Variants in CSNK1G1 observed in about 807,000 individuals in gnomAD.
CSNK1G1 encodes casein kinase 1 gamma 1.
A neutral mutation model predicts 59.6 loss-of-function variants in CSNK1G1; 22 were observed. The observed-to-expected ratio is 0.37, with a 90% CI of 0.26 to 0.53. CSNK1G1 has a LOEUF of 0.53. Ranked by LOEUF, CSNK1G1 falls within the 20% of genes least tolerant of loss-of-function variation. The probability of loss-of-function intolerance (pLI) is 0.89; values close to 1 mark genes in which losing one functional copy is unlikely to be tolerated. For missense variants in CSNK1G1, 384 were observed against 519.5 expected, an observed-to-expected ratio of 0.74 and a Z score of 2.54; for synonymous variants, 179 against 177.1, an observed-to-expected ratio of 1.01 and a Z score of -0.08.
intron 10 of CSNK1G1, among the ~76,000 whole-genome samples, chr15:64,195,331 T>C (rs1013875134): frequency 6.6e-6 from 1 of 152,204 alleles, no homozygotes; most frequent in African/African-American, 2.4e-5. Flanking sequence ...TAAGTAGCCC[T>C]TCTTTTTCAC....
At chr15:64,189,577 G>T in intron 10 of CSNK1G1, 2 of 653,652 alleles carry the variant, frequency 3.1e-6, no homozygotes, top group Non-Finnish European at 4.1e-6. Flanking sequence ...CAGGGGTTAG[G>T]ATGTGATATT....
intron 2 of CSNK1G1, among the ~76,000 whole-genome samples, chr15:64,277,532 T>C (rs1441208003): frequency 1.4e-5 from 2 of 146,830 alleles, no homozygotes; most frequent in South Asian, 2.1e-4. Flanking sequence ...CTACAAGTTT[T>C]CATATTGTTA....
chr15:64,221,357 T>C (rs867015366), intron 4 of CSNK1G1, among the ~76,000 whole-genome samples: 1 of 152,202 alleles, frequency 6.6e-6, no homozygotes. Context: ...GAAGTTTCCA[T>C]GTTTACAATG....
intron 2 of CSNK1G1, among the ~76,000 whole-genome samples, chr15:64,293,145 T>A (rs1292762320): frequency 1.3e-5 from 2 of 151,056 alleles, no homozygotes; most frequent in Non-Finnish European, 2.9e-5. Context: ...GATTTTCAGT[T>A]AGTATCAATC....
chr15:64,252,239 A>G (rs1358427109), intron 3 of CSNK1G1, among the ~76,000 whole-genome samples: 1 of 151,916 alleles, frequency 6.6e-6, no homozygotes, highest in East Asian at 1.9e-4. Flanking sequence ...ATGGCGGTAA[A>G]TAAACGTGTA....
chr15:64,315,369 T>C (rs1896214931), intron 1 of CSNK1G1, among the ~76,000 whole-genome samples: 1 of 152,188 alleles, frequency 6.6e-6, no homozygotes, highest in African/African-American at 2.4e-5. Flanking sequence ...AGGAGTCCAT[T>C]GTTCAGGATT....
Position 64,214,951 on chromosome 15 carries a change from C to T in CSNK1G1, c.445-827G>A, listed in dbSNP as rs762751684. Among the ~76,000 whole-genome samples the T allele has an allele frequency of 2.7e-5, 4 of 150,746 alleles. No individual in the cohort carries two copies. The highest frequency in any genetic ancestry group is 4.4e-5 in the Non-Finnish European group (3 of 67,702). On this transcript the variant is annotated intron_variant, in intron 5 of 11. Coordinates refer to ENST00000303052, the MANE Select transcript of CSNK1G1 (RefSeq NM_022048.5). This position sits in a 1 kb window ranked among gnomAD's most constrained non-coding sequence, Gnocchi z 4.3. Reference sequence around the variant, plus strand: ...ACCATGCCTGGCCGAAACAGTTCATCGTTGTTGTTTTAAATTTATTTTCAG... The same window carrying T: ...ACCATGCCTGGCCGAAACAGTTCATTGTTGTTGTTTTAAATTTATTTTCAG...
chr15:64,286,731 C>T (rs1320370809), intron 2 of CSNK1G1, among the ~76,000 whole-genome samples: 2 of 152,230 alleles, frequency 1.3e-5, no homozygotes, highest in Admixed American at 6.5e-5. Context: ...AAATCTACCC[C>T]TAGCCTTTTA....
At chr15:64,244,868 G>C (rs1339417260) in intron 4 of CSNK1G1, among the ~76,000 whole-genome samples, 1 of 152,006 alleles carries the variant, frequency 6.6e-6, no homozygotes, top group African/African-American at 2.4e-5. Flanking sequence ...CACTAATCAC[G>C]CACTACCTGA....
At chr15:64,238,518 A>AAATATATATATAT (rs1555396879) in intron 4 of CSNK1G1, among the ~76,000 whole-genome samples, 1 of 49,248 alleles carries the variant, frequency 2.0e-5, no homozygotes, top group African/African-American at 1.2e-4. Flanking sequence ...AAAAAAAAAA[A>AAATATATATATAT]ATATATATAT....
rs930672979 is a variant in CSNK1G1 at position 64,170,881 on chromosome 15, G to A, written c.*1050C>T. On this transcript the variant is annotated 3_prime_UTR_variant, in exon 12 of 12. Transcript: ENST00000303052. ...GAGCTAGGTTTTCAAACTGTAAGCTGATTAGGTCAAGATGCTCTGGTAGGG... is the reference window on the plus strand; with the variant it reads ...GAGCTAGGTTTTCAAACTGTAAGCTAATTAGGTCAAGATGCTCTGGTAGGG... 1.3e-5 allele frequency: 2 copies of A among 152,570 alleles called. No individual in the cohort carries two copies. Among genetic ancestry groups the A allele is most frequent in the Non-Finnish European group, 2.9e-5 (2 of 68,028 alleles). 9.5% of individuals were successfully genotyped at this position (152,570 alleles called of 1,614,324 possible).
rs1489659063 is a variant in CSNK1G1, at chr15:64,216,742, C to T, written c.293-29G>A. ...AAAGCAGAGGGGAAATGGGGGTATA[C>T]AGTGGGAGACACAAAAGCCAAAATA... On this transcript the variant is annotated intron_variant, in intron 4 of 11. Transcript: ENST00000303052. This position sits in a 1 kb window ranked among gnomAD's most constrained non-coding sequence, Gnocchi z 4.6. The T allele has an allele frequency of 1.3e-5, 20 of 1,599,890 alleles. No individual in the cohort carries two copies. The highest frequency in any genetic ancestry group is 1.6e-5 in the Non-Finnish European group (19 of 1,170,864).
intron 2 of CSNK1G1, among the ~76,000 whole-genome samples, chr15:64,281,428 A>G (rs574342931): frequency 6.6e-6 from 1 of 152,302 alleles, no homozygotes; most frequent in South Asian, 2.1e-4. Context: ...CAACATAGTG[A>G]GACTCCATCT....
intron 1 of CSNK1G1, among the ~76,000 whole-genome samples, chr15:64,349,472 T>C (rs1282398156): frequency 6.6e-6 from 1 of 152,110 alleles, no homozygotes; most frequent in Non-Finnish European, 1.5e-5. Flanking sequence ...ATAATTCCCA[T>C]CCCTAGCACC....
chr15:64,258,289 G>A (rs1299322729), intron 3 of CSNK1G1, among the ~76,000 whole-genome samples: 1 of 151,846 alleles, frequency 6.6e-6, no homozygotes, highest in Admixed American at 6.6e-5. Context: ...AGACTGAAGT[G>A]GGAAGATTGC....
At chr15:64,245,750 G>GA (rs997401892) in intron 4 of CSNK1G1, among the ~76,000 whole-genome samples, 66 of 138,368 alleles carry the variant, frequency 4.8e-4, no homozygotes, top group East Asian at 1.7e-3. Context: ...CCACAAAAAG[G>GA]AAAAAAAAAA....
chr15:64,290,332 C>G (rs987751778), intron 2 of CSNK1G1, among the ~76,000 whole-genome samples: 2 of 150,402 alleles, frequency 1.3e-5, no homozygotes, highest in Non-Finnish European at 2.9e-5. Context: ...CATACACATA[C>G]ACACACACAT....
intron 1 of CSNK1G1, among the ~76,000 whole-genome samples, chr15:64,321,721 TA>T (rs1896576056): frequency 6.6e-6 from 1 of 152,244 alleles, no homozygotes; most frequent in African/African-American, 2.4e-5. Context: ...ACGGTAAATT[TA>T]AAAGTGTCTG....
intron 1 of CSNK1G1, among the ~76,000 whole-genome samples, chr15:64,320,596 T>C (rs1160721725): frequency 1.3e-5 from 2 of 151,014 alleles, no homozygotes; most frequent in East Asian, 3.9e-4. Context: ...GGAGAATCGC[T>C]TGAGCCCAGG....
Sources: gnomAD v4.1 joint callset for allele counts (sites outside exome capture counted in the v4.1 genomes callset) on GRCh38, gnomAD v4.1.1 for gene constraint, Gnocchi (gnomAD v3.1) non-coding constraint, MANE v1.5 for transcripts, NCBI Gene and HGNC (gene_info 2026-07-23, HGNC 2026-07-21) for gene names.